C12orf56: variants seen among roughly 807,000 people sequenced by gnomAD.
C12orf56 encodes the protein chromosome 12 open reading frame 56.
C12orf56 carries 71 observed loss-of-function variants against 69.9 expected under a neutral mutation model. The ratio of observed to expected loss-of-function variants is 1.02; its 90% CI spans 0.84 to 1.24. The LOEUF is 1.24. Ranked by LOEUF, C12orf56 falls within the 50% of genes most tolerant of loss-of-function variation. C12orf56 has a pLI of 0.00. For synonymous variants in C12orf56, 276 were observed against 274.1 expected, an observed-to-expected ratio of 1.01 and a Z score of -0.07; for missense variants, 732 against 738.5, an observed-to-expected ratio of 0.99 and a Z score of 0.10.
intron 1 of C12orf56, among the ~76,000 whole-genome samples, chr12:64,386,173 C>T (rs61931545): frequency 0.087 from 13,264 of 151,924 alleles, 784 homozygotes; most frequent in Middle Eastern, 0.21. Context: ...AGTTGGCCAC[C>T]GACTCTTCTT....
At chr12:64,332,318 A>AG (rs2038942176) in intron 2 of C12orf56, among the ~76,000 whole-genome samples, 1 of 151,300 alleles carries the variant, frequency 6.6e-6, no homozygotes, top group African/African-American at 2.4e-5. Context: ...AAAAAAAAAA[A>AG]AAAAGTTTCA....
chr12:64,284,825 T>A (rs1480444498), intron 7 of C12orf56, 72 bp from the exon 8 acceptor site: 1 of 1,165,630 alleles, frequency 8.6e-7, no homozygotes, highest in Non-Finnish European at 1.2e-6. Context: ...ACAAAAGTAG[T>A]AATTTTTGCT....
In C12orf56 at chr12:64,284,685, A is replaced by G; in HGVS notation, c.1289T>C (p.Leu430Pro). 1 of 1,612,066 alleles carries G rather than the reference A, an allele frequency of 6.2e-7. No individual in the cohort carries two copies. The highest frequency in any genetic ancestry group is 1.7e-4 in the Middle Eastern group (1 of 6,058). Residue 430 changes from leucine (L) to proline (P), a missense_variant, in exon 8 of 13, where the codon CTG (leucine) becomes CCG (proline). By Grantham distance (98) the Leu-to-Pro change is moderately conservative (BLOSUM62 -3). Coordinates refer to ENST00000543942, the MANE Select transcript of C12orf56 (RefSeq NM_001170633.2). ...FRETETESSR[L>P]NTLAAKKGAL... ...TTACTTCTTAGCTGCCAATGTGTTCAGGCGTGATGACTCGGTTTCTGTTTC... is the reference window on the plus strand; with the variant it reads ...TTACTTCTTAGCTGCCAATGTGTTCGGGCGTGATGACTCGGTTTCTGTTTC...
intron 5 of C12orf56, among the ~76,000 whole-genome samples, chr12:64,304,680 G>T (rs1227765742): frequency 6.6e-6 from 1 of 152,182 alleles, no homozygotes; most frequent in Non-Finnish European, 1.5e-5. Flanking sequence ...ACTGTGCTCA[G>T]TAATAACAAC....
chr12:64,356,169 TCA>T (rs1491476950), intron 1 of C12orf56, among the ~76,000 whole-genome samples: 2 of 64,180 alleles, frequency 3.1e-5, no homozygotes, highest in African/African-American at 2.4e-4. Context: ...AGACTCCATC[TCA>T]AAAAAAAAAA....
intron 1 of C12orf56, among the ~76,000 whole-genome samples, chr12:64,372,303 T>C (rs924995486): frequency 6.6e-6 from 1 of 152,140 alleles, no homozygotes; most frequent in Non-Finnish European, 1.5e-5. Flanking sequence ...TTTTTACCTT[T>C]GTTCAAAAAA....
intron 8 of C12orf56, among the ~76,000 whole-genome samples, chr12:64,279,159 A>G (rs757699134): frequency 5.9e-5 from 9 of 152,124 alleles, no homozygotes; most frequent in Non-Finnish European, 8.8e-5. Flanking sequence ...GCCTAAAGCA[A>G]TCTGCCCACC....
chr12:64,316,804 ATCAGGCTCCGT>A (rs2038696847), intron 4 of C12orf56, among the ~76,000 whole-genome samples: 1 of 152,224 alleles, frequency 6.6e-6, no homozygotes, highest in Non-Finnish European at 1.5e-5. Context: ...TCCATGAAGC[ATCAGGCTCCGT>A]TCTATTGTTA....
intron 1 of C12orf56, among the ~76,000 whole-genome samples, chr12:64,385,390 G>T (rs2039775888): frequency 6.6e-6 from 1 of 152,248 alleles, no homozygotes; most frequent in East Asian, 1.9e-4. Flanking sequence ...GAAGGGAATA[G>T]AATTTTATCT....
At chr12:64,350,668 A>G (rs1270446679) in intron 2 of C12orf56, among the ~76,000 whole-genome samples, 11 of 152,188 alleles carry the variant, frequency 7.2e-5, no homozygotes, top group Admixed American at 7.2e-4. Flanking sequence ...TCAAAAGGAG[A>G]GGAGTTTACT....
chr12:64,343,290 T>C (rs773754835), intron 2 of C12orf56, among the ~76,000 whole-genome samples: 1 of 152,150 alleles, frequency 6.6e-6, no homozygotes, highest in Non-Finnish European at 1.5e-5. Context: ...ATAAGTCCAG[T>C]GTGTTTGCTA....
chr12:64,368,098 G>A (rs1188515174), intron 1 of C12orf56, among the ~76,000 whole-genome samples: 6 of 152,012 alleles, frequency 3.9e-5, no homozygotes, highest in Admixed American at 1.3e-4. Flanking sequence ...GTGAGCCACT[G>A]CGCCTGGCCT....
chr12:64,338,896 C>T (rs894371083), intron 2 of C12orf56: 3 of 572,614 alleles, frequency 5.2e-6, no homozygotes, highest in Non-Finnish European at 9.6e-6. Flanking sequence ...ACCTTGGTTT[C>T]CTTTACTTTT....
chr12:64,350,978 G>C (rs7966245), intron 2 of C12orf56, among the ~76,000 whole-genome samples: 64,832 of 152,008 alleles, frequency 0.43, 14,206 homozygotes, highest in Non-Finnish European at 0.48. Flanking sequence ...TAGATAAGCT[G>C]TTTTTAAGTT....
chr12:64,381,397 A>C (rs192204952), intron 1 of C12orf56, among the ~76,000 whole-genome samples: 1 of 152,248 alleles, frequency 6.6e-6, no homozygotes, highest in African/African-American at 2.4e-5. Flanking sequence ...CTCCAGCTGC[A>C]TGTCTCCTAA....
intron 12 of C12orf56, 27 bp downstream of exon 12, chr12:64,270,509 A>G: frequency 6.8e-7 from 1 of 1,469,094 alleles, no homozygotes; most frequent in Non-Finnish European, 9.1e-7. Flanking sequence ...ATCTTACTGC[A>G]GATTAGATTC....
chr12:64,303,989 G>A (rs994935828), intron 5 of C12orf56, among the ~76,000 whole-genome samples: 3 of 151,958 alleles, frequency 2.0e-5, no homozygotes, highest in South Asian at 2.1e-4. Flanking sequence ...TTTTTTGCCC[G>A]TGCCCCTTAA....
Position 64,361,834 on chromosome 12 carries a change from G to A in C12orf56, c.253-8778C>T, listed in dbSNP as rs1320220740. On this transcript the variant is annotated intron_variant, in intron 1 of 12. Transcript: ENST00000543942. ...CGCAACCTCCTCCTCCTGGGTTCAA[G>A]CAATTCTCCTGCCTCAGCCTCCCGA... 2.0e-5 allele frequency among the ~76,000 whole-genome samples: 3 copies of A among 152,016 alleles called. No homozygotes were observed. The South Asian group carries it at 6.2e-4, about 31-fold the overall frequency.
Position 64,331,034 on chromosome 12 carries a change from T to C in C12orf56, c.416-2A>G. The C allele has an allele frequency of 6.6e-7, 1 of 1,506,742 alleles. No homozygotes were observed. The highest frequency in any genetic ancestry group is 1.2e-5 in the South Asian group (1 of 81,646). The allele number at this position is 1,506,742 out of a possible 1,614,324, so 93.3% of individuals were successfully genotyped here. A position where few individuals can be genotyped will look rare whatever the true frequency, so the allele number is the denominator to read the frequency against. ...CAAGGCCGTTCTTTTCTTCCTTGAC[T>C]TAAAAAAAAAATAGTTATTTGGTCA... On this transcript the variant is annotated splice_acceptor_variant, in intron 2 of 12. Transcript: ENST00000543942. LOFTEE classifies it high-confidence loss of function.
Sources: gnomAD v4.1 joint callset for allele counts (sites outside exome capture counted in the v4.1 genomes callset) on GRCh38, gnomAD v4.1.1 for gene constraint, MANE v1.5 for transcripts, NCBI Gene and HGNC (gene_info 2026-07-23, HGNC 2026-07-21) for gene names.